Variants in FLVCR1 observed in about 807,000 individuals in gnomAD.
FLVCR1 encodes the protein FLVCR choline and heme transporter 1, also known as choline/ethanolamine transporter FLVCR1.
In FLVCR1, 34 loss-of-function variants were observed where a neutral mutation model predicts 53.6. The observed-to-expected ratio is 0.63, with a 90% CI of 0.48 to 0.84. The LOEUF (loss-of-function observed/expected upper bound fraction) is 0.84. Among genes scored for constraint, FLVCR1 ranks in the 40% least tolerant of loss-of-function variants. FLVCR1 has a pLI of 0.00. For synonymous variants in FLVCR1, 300 were observed against 286.3 expected, an observed-to-expected ratio of 1.05 and a Z score of -0.48; for missense variants, 677 against 696.7, an observed-to-expected ratio of 0.97 and a Z score of 0.32.
chr1:212,893,064 T>TGGG (rs1558122629), intron 8 of FLVCR1, among the ~76,000 whole-genome samples: 1 of 123,438 alleles, frequency 8.1e-6, no homozygotes, highest in African/African-American at 3.3e-5. Flanking sequence ...TTCTTTTTTT[T>TGGG]TGGGGGGGGG....
chr1:212,866,053 C>G (rs61833730), intron 2 of FLVCR1, among the ~76,000 whole-genome samples: 2 of 45,496 alleles, frequency 4.4e-5, no homozygotes, highest in Non-Finnish European at 6.5e-5. Flanking sequence ...GGCGCAATTT[C>G]GACTCACTGC....
chr1:212,871,150 T>G (rs1664584616), intron 2 of FLVCR1, among the ~76,000 whole-genome samples: 1 of 152,192 alleles, frequency 6.6e-6, no homozygotes, highest in Non-Finnish European at 1.5e-5. Context: ...TCAAGATGCC[T>G]TTAATAATCA....
intron 2 of FLVCR1, among the ~76,000 whole-genome samples, chr1:212,865,279 C>G (rs10864011): frequency 1.4e-5 from 2 of 138,710 alleles, no homozygotes; most frequent in African/African-American, 5.6e-5. Flanking sequence ...TCCCTCCCCC[C>G]ACCCCCCATC....
In FLVCR1 at chr1:212,898,231, A is replaced by T. The variant is rs1440114224; in HGVS notation, c.*2941A>T. Reference sequence around the variant, plus strand: ...GGAACTTGAATCCAGCCAGAGAAAAATTCCCTGGACAATTGGATAAACAAA... The same window carrying T: ...GGAACTTGAATCCAGCCAGAGAAAATTTCCCTGGACAATTGGATAAACAAA... On this transcript the variant is annotated 3_prime_UTR_variant, in exon 10 of 10. Transcript: ENST00000366971. 6.6e-6 allele frequency: 1 copy of T among 152,220 alleles called. No individual in the cohort carries two copies. The highest frequency in any genetic ancestry group is 2.4e-5 in the African/African-American group (1 of 41,460). The allele number at this position is 152,220 out of a possible 1,614,324, so 9.4% of individuals were successfully genotyped here. A position where few individuals can be genotyped will look rare whatever the true frequency, so the allele number is the denominator to read the frequency against.
intron 2 of FLVCR1, among the ~76,000 whole-genome samples, chr1:212,866,869 T>G (rs1448056346): frequency 6.6e-6 from 1 of 152,212 alleles, no homozygotes; most frequent in Non-Finnish European, 1.5e-5. Context: ...AAAAGCAAGA[T>G]AGTATACAGC....
In FLVCR1 at chr1:212,896,268, CTT is replaced by C. The variant is rs1665333353; in HGVS notation, c.*979_*980del. ...CCTGAAATAAGGAAATCTATAATAA[CTT>C]CAGATAGCCTACATGTCCCCATTTA... On this transcript the variant is annotated 3_prime_UTR_variant, in exon 10 of 10. Coordinates refer to ENST00000366971, the MANE Select transcript of FLVCR1 (RefSeq NM_014053.4). 6.6e-6 allele frequency: 1 copy of C among 152,054 alleles called. No homozygotes were observed. Among genetic ancestry groups the C allele is most frequent in the African/African-American group, 2.4e-5 (1 of 41,390 alleles). 9.4% of individuals were successfully genotyped at this position (152,054 alleles called of 1,614,324 possible).
At position 212,896,124 on chromosome 1, in the gene FLVCR1, T is replaced by G. The variant is rs1364353005; in HGVS notation, c.*834T>G. The G allele has an allele frequency of 6.6e-6, 1 of 151,560 alleles. No individual in the cohort carries two copies. Among genetic ancestry groups the G allele is most frequent in the Non-Finnish European group, 1.5e-5 (1 of 67,926 alleles). The allele number at this position is 151,560 out of a possible 1,614,324, so 9.4% of individuals were successfully genotyped here. ...TGTACCCATTGCCTTTTTTTTCTTT[T>G]AAACTCTCTTTTTTTTTTTTTCCTG... On this transcript the variant is annotated 3_prime_UTR_variant, in exon 10 of 10. Transcript: ENST00000366971.
intron 1 of FLVCR1, among the ~76,000 whole-genome samples, chr1:212,861,569 T>G (rs906589617): frequency 6.6e-6 from 1 of 152,184 alleles, no homozygotes; most frequent in Admixed American, 6.5e-5. Context: ...GTCTCCCCAG[T>G]CTTGGCACTG....
chr1:212,884,917 C>T (rs1169899411), intron 4 of FLVCR1, among the ~76,000 whole-genome samples: 1 of 152,090 alleles, frequency 6.6e-6, no homozygotes, highest in Non-Finnish European at 1.5e-5. Flanking sequence ...AATAAAAATA[C>T]AGTATTATAA....
chr1:212,877,131 CTTTTTTTT>C (rs55822947), intron 3 of FLVCR1, among the ~76,000 whole-genome samples: 5 of 94,622 alleles, frequency 5.3e-5, no homozygotes, highest in Non-Finnish European at 8.3e-5. Flanking sequence ...ACATAAATGT[CTTTTTTTT>C]TTTTTTTTTT....
intron 4 of FLVCR1, among the ~76,000 whole-genome samples, 153 bp downstream of exon 4, chr1:212,883,591 A>T (rs569538940): frequency 1.6e-4 from 24 of 152,368 alleles, no homozygotes; most frequent in African/African-American, 5.8e-4. Flanking sequence ...TTGTTAAAAA[A>T]TGAAATTTCC....
At chr1:212,883,839 CTTTTTT>C (rs34065564) in intron 4 of FLVCR1, among the ~76,000 whole-genome samples, 1 of 143,448 alleles carries the variant, frequency 7.0e-6, no homozygotes. Context: ...TATGAATCTC[CTTTTTT>C]TTTTTTTTTT....
rs1305874383 is a variant in FLVCR1 at position 212,885,340 on chromosome 1, T to G, written c.1140T>G (p.Ala380=). Residue 380 remains alanine, a synonymous_variant, in exon 5 of 10, where the codon GCT becomes GCG. Coordinates refer to ENST00000366971, the MANE Select transcript of FLVCR1 (RefSeq NM_014053.4). ...AGRIGLTLVV[A]GMVGSILCGL... is the part of the protein sequence containing the mutation. ...GGATTGGGCTAACGCTAGTAGTAGCTGGAATGGTGGGCTCTATTCTTTGTG... is the reference window on the plus strand; with the variant it reads ...GGATTGGGCTAACGCTAGTAGTAGCGGGAATGGTGGGCTCTATTCTTTGTG... The G allele has an allele frequency of 1.2e-6, 2 of 1,614,042 alleles. No homozygotes were observed. The highest frequency in any genetic ancestry group is 1.7e-5 in the Admixed American group (1 of 59,994).
intron 3 of FLVCR1, among the ~76,000 whole-genome samples, chr1:212,877,870 T>C (rs1664805774): frequency 6.6e-6 from 1 of 152,142 alleles, no homozygotes; most frequent in African/African-American, 2.4e-5. Context: ...TTTATTGTCA[T>C]CACTTCTGTT....
At position 212,895,235 on chromosome 1, in the gene FLVCR1, C is replaced by A. The variant is rs759600280; in HGVS notation, c.1613C>A (p.Thr538Lys). 1 of 1,613,150 alleles carries A rather than the reference C, an allele frequency of 6.2e-7. No homozygotes were observed. Among genetic ancestry groups the A allele is most frequent in the South Asian group, 1.1e-5 (1 of 91,050 alleles). The change falls in exon 10 of 10, where the codon ACA becomes AAA. Residue 538 changes from threonine to lysine, a missense_variant. Physicochemically the swap from Thr to Lys is moderately conservative, Grantham distance 78. Transcript: ENST00000366971. Reference protein sequence around the residue: ...DVKAIPADSPTDQEPKTVMLS... With the variant: ...DVKAIPADSPKDQEPKTVMLS... ...TTATAGATACCAGCTGACAGTCCCACAGACCAAGAACCAAAAACGGTTATG... is the reference window on the plus strand; with the variant it reads ...TTATAGATACCAGCTGACAGTCCCAAAGACCAAGAACCAAAAACGGTTATG...
At chr1:212,864,932 T>C (rs904268045) in intron 2 of FLVCR1, among the ~76,000 whole-genome samples, 1 of 152,174 alleles carries the variant, frequency 6.6e-6, no homozygotes, top group African/African-American at 2.4e-5. Context: ...TCCCTTAATA[T>C]AATGAGCAGA....
chr1:212,891,075 T>C (rs986456487), intron 8 of FLVCR1, among the ~76,000 whole-genome samples: 2 of 152,180 alleles, frequency 1.3e-5, no homozygotes, highest in Non-Finnish European at 2.9e-5. Flanking sequence ...AATTCCATGT[T>C]GGTTCTTAAT....
intron 2 of FLVCR1, among the ~76,000 whole-genome samples, chr1:212,871,854 A>G (rs951356141): frequency 5.2e-4 from 79 of 152,178 alleles, no homozygotes; most frequent in Non-Finnish European, 3.1e-4. Context: ...GCTAAAACTT[A>G]GAGTGTCAGA....
intron 2 of FLVCR1, among the ~76,000 whole-genome samples, chr1:212,869,130 G>A (rs967281576): frequency 2.0e-5 from 3 of 152,214 alleles, no homozygotes; most frequent in East Asian, 1.9e-4. Flanking sequence ...GATTTGCAAC[G>A]TATTCATCAC....
Sources: gnomAD v4.1 joint callset for allele counts (sites outside exome capture counted in the v4.1 genomes callset) on GRCh38, gnomAD v4.1.1 for gene constraint, MANE v1.5 for transcripts, NCBI Gene and HGNC (gene_info 2026-07-23, HGNC 2026-07-21) for gene names.